BMP6: variants seen among roughly 807,000 people sequenced by gnomAD.
The protein encoded by BMP6 is VG-1-R.
A neutral mutation model predicts 54.1 loss-of-function variants in BMP6; 17 were observed. The observed-to-expected ratio is 0.31, with a 90% CI of 0.22 to 0.47. BMP6 has a LOEUF of 0.47. Ranked by LOEUF, BMP6 falls within the 20% of genes least tolerant of loss-of-function variation. The pLI is 1.00. For missense variants in BMP6, 720 were observed against 690.4 expected (o/e 1.04, Z -0.48); for synonymous variants, 328 against 291.2 (o/e 1.13, Z -1.28).
chr6:7,738,830 C>T (rs1292710850), intron 1 of BMP6, among the ~76,000 whole-genome samples: 5 of 152,208 alleles, frequency 3.3e-5, no homozygotes, highest in Non-Finnish European at 1.5e-5. Context: ...CTGAGCTACA[C>T]TTTAAAGCAT....
At chr6:7,782,602 T>A (rs1757963466) in intron 1 of BMP6, among the ~76,000 whole-genome samples, 2 of 151,934 alleles carry the variant, frequency 1.3e-5, no homozygotes, top group Non-Finnish European at 2.9e-5. Flanking sequence ...CCCAGCTACC[T>A]GGGGGGCAGG....
At chr6:7,733,511 C>T (rs76295967) in intron 1 of BMP6, among the ~76,000 whole-genome samples, 2 of 152,170 alleles carry the variant, frequency 1.3e-5, no homozygotes, top group African/African-American at 4.8e-5. Flanking sequence ...TCCTGTCCCC[C>T]CCTCCCTAGG....
intron 1 of BMP6, among the ~76,000 whole-genome samples, chr6:7,824,674 C>G (rs1452857280): frequency 6.6e-6 from 1 of 152,114 alleles, no homozygotes. Flanking sequence ...ATCTGATAAT[C>G]CCAAAAGCTT....
chr6:7,794,162 A>C (rs540942581), intron 1 of BMP6, among the ~76,000 whole-genome samples: 2 of 152,046 alleles, frequency 1.3e-5, no homozygotes, highest in South Asian at 2.1e-4. Context: ...GAGTGGAGGG[A>C]GGTACACCTG....
At chr6:7,822,280 A>C (rs775567860) in intron 1 of BMP6, among the ~76,000 whole-genome samples, 1 of 152,198 alleles carries the variant, frequency 6.6e-6, no homozygotes, top group Non-Finnish European at 1.5e-5. Flanking sequence ...TTGGCCTCCC[A>C]AAGTGTTGGG....
intron 1 of BMP6, among the ~76,000 whole-genome samples, chr6:7,732,669 C>T (rs1314136253): frequency 6.8e-6 from 1 of 146,788 alleles, no homozygotes; most frequent in Non-Finnish European, 1.5e-5. Flanking sequence ...TGGCTAAATA[C>T]TGGCTATCAA....
chr6:7,799,709 T>C (rs1025052194), intron 1 of BMP6, among the ~76,000 whole-genome samples: 1 of 150,396 alleles, frequency 6.6e-6, no homozygotes, highest in African/African-American at 2.5e-5. Context: ...AGCCAAAATC[T>C]ATTCTCCTTG....
intron 1 of BMP6, among the ~76,000 whole-genome samples, chr6:7,791,859 A>G (rs1018496084): frequency 3.9e-5 from 6 of 152,114 alleles, no homozygotes; most frequent in African/African-American, 1.4e-4. Context: ...TATATTTTAT[A>G]TCCGTCTACT....
At chr6:7,754,374 G>C (rs1263583354) in intron 1 of BMP6, among the ~76,000 whole-genome samples, 1 of 152,174 alleles carries the variant, frequency 6.6e-6, no homozygotes, top group African/African-American at 2.4e-5. Context: ...TTCCCAAAGC[G>C]CTGGGATTAG....
intron 1 of BMP6, among the ~76,000 whole-genome samples, chr6:7,831,746 T>C (rs1758797219): frequency 6.6e-6 from 1 of 152,218 alleles, no homozygotes; most frequent in South Asian, 2.1e-4. Flanking sequence ...CCCAGACAGA[T>C]GTGTTCAGCA....
At chr6:7,811,972 A>AGC (rs1444640899) in intron 1 of BMP6, among the ~76,000 whole-genome samples, 1 of 152,384 alleles carries the variant, frequency 6.6e-6, no homozygotes, top group East Asian at 1.9e-4. Flanking sequence ...AGAACAGGGT[A>AGC]GCGCCTCTGC....
chr6:7,857,621 T>C (rs1171528286), intron 2 of BMP6, among the ~76,000 whole-genome samples: 2 of 152,230 alleles, frequency 1.3e-5, no homozygotes, highest in Non-Finnish European at 2.9e-5. Context: ...TCTTCTGAAC[T>C]CTGCCAAAGT....
At chr6:7,872,228 C>T (rs142030474) in intron 4 of BMP6, among the ~76,000 whole-genome samples, 13 of 151,478 alleles carry the variant, frequency 8.6e-5, no homozygotes, top group African/African-American at 3.2e-4. Context: ...TCATCAAAAC[C>T]AATACCAGGG....
intron 4 of BMP6, among the ~76,000 whole-genome samples, chr6:7,877,130 C>T (rs1460963394): frequency 2.0e-5 from 3 of 151,908 alleles, no homozygotes; most frequent in African/African-American, 7.3e-5. Flanking sequence ...TGAGAGAGTC[C>T]TTGTCCTGCA....
At chr6:7,769,632 T>C (rs1757752388) in intron 1 of BMP6, among the ~76,000 whole-genome samples, 1 of 152,238 alleles carries the variant, frequency 6.6e-6, no homozygotes, top group Non-Finnish European at 1.5e-5. Context: ...ACCCTTATGA[T>C]AGTTGCCTTA....
chr6:7,805,221 G>T (rs1308123970), intron 1 of BMP6, among the ~76,000 whole-genome samples: 6 of 152,138 alleles, frequency 3.9e-5, no homozygotes, highest in Admixed American at 2.0e-4. Flanking sequence ...GAGCTCTGTT[G>T]GTTGCTCATC....
chr6:7,867,131 C>G (rs1289540017), intron 4 of BMP6, among the ~76,000 whole-genome samples: 3 of 152,178 alleles, frequency 2.0e-5, no homozygotes, highest in African/African-American at 7.2e-5. Context: ...CTCGGCCTCC[C>G]AAAGTGTTGG....
At chr6:7,736,203 A>G (rs1305358029) in intron 1 of BMP6, among the ~76,000 whole-genome samples, 3 of 152,204 alleles carry the variant, frequency 2.0e-5, no homozygotes, top group African/African-American at 7.2e-5. Context: ...GTCTGTCACC[A>G]TAGTACCTAG....
chr6:7,786,477 TTTTTAAATA>T (rs1020914566), intron 1 of BMP6, among the ~76,000 whole-genome samples: 2 of 151,724 alleles, frequency 1.3e-5, no homozygotes, highest in African/African-American at 4.8e-5. Flanking sequence ...TTTTTTTTTT[TTTTTAAATA>T]AAATCCCTCT....
Sources: allele counts gnomAD v4.1 joint callset (sites outside exome capture counted in the v4.1 genomes callset), GRCh38; gene constraint gnomAD v4.1.1; transcripts MANE v1.5; gene names NCBI Gene and HGNC (gene_info 2026-07-23, HGNC 2026-07-21).